PLCB2: variants seen among roughly 807,000 people sequenced by gnomAD.
The protein encoded by PLCB2 is phospholipase C beta 2, also known as 1-phosphatidylinositol 4,5-bisphosphate phosphodiesterase beta-2.
PLCB2 carries 115 observed loss-of-function variants against 141.7 expected under a neutral mutation model. The observed-to-expected ratio is 0.81, with a 90% confidence interval of 0.70 to 0.95. PLCB2 has a LOEUF of 0.95. Ranked by LOEUF, PLCB2 falls within the 40% of genes least tolerant of loss-of-function variation. The pLI is 0.00. For synonymous variants in PLCB2, 603 were observed against 595.6 expected (o/e 1.01, Z -0.18); for missense variants, 1,403 against 1,541.1 (o/e 0.91, Z 1.50).
intron 20 of PLCB2, 94 bp downstream of exon 20, chr15:40,293,466 G>T: frequency 8.1e-7 from 1 of 1,235,190 alleles, no homozygotes; most frequent in Non-Finnish European, 1.2e-6. Flanking sequence ...AGGAGGAGGA[G>T]GAAGGTCAAG....
At chr15:40,298,173 G>C in intron 11 of PLCB2, 50 bp downstream of exon 11, 2 of 1,519,102 alleles carry the variant, frequency 1.3e-6, no homozygotes, top group Non-Finnish European at 1.8e-6. Context: ...TTCTGGCCCA[G>C]AGCCCTTCCC....
chr15:40,293,667 G>T lies in PLCB2; in HGVS notation c.2119C>A (p.Leu707Met). Residue 707 changes from leucine to methionine, a missense_variant, in exon 20 of 32, where the codon CTG becomes ATG. This residue lies in a region of PLCB2 where 975 missense variants were observed against 1,141.1 expected (regional missense o/e 0.85). Coordinates refer to ENST00000260402, the MANE Select transcript of PLCB2 (RefSeq NM_004573.3). ...TTGGGGTCCCCAGGAAGGCCAAACAGCTCCACTTCTACATAGGTGCGCACG... is the reference window on the plus strand; with the variant it reads ...TTGGGGTCCCCAGGAAGGCCAAACATCTCCACTTCTACATAGGTGCGCACG... ...RSVRTYVEVE[L>M]FGLPGDPKRR... 6.2e-7 allele frequency: 1 copy of T among 1,614,146 alleles called. No homozygotes were observed. The highest frequency in any genetic ancestry group is 1.3e-5 in the African/African-American group (1 of 75,040).
chr15:40,301,747 C>A, intron 7 of PLCB2: 1 of 700,522 alleles, frequency 1.4e-6, no homozygotes, highest in Non-Finnish European at 2.6e-6. Flanking sequence ...ACAGACAAAC[C>A]TGCTTGGAGC....
Position 40,296,367 on chromosome 15 carries a change from G to A in PLCB2, c.1625C>T (p.Ala542Val). The A allele has an allele frequency of 6.2e-7, 1 of 1,613,806 alleles. No homozygotes were observed. The highest frequency in any genetic ancestry group is 8.5e-7 in the Non-Finnish European group (1 of 1,179,886). ...DEGTAGLEVT[A>V]YEEMSSLVNY... ...GACTAGGCTGGACATCTCCTCATAA[G>A]CCGTCACTTCCAGGCCCGCTGTGCC... The change falls in exon 16 of 32, where the codon GCT becomes GTT. Residue 542 changes from alanine to valine, a missense_variant. Ala to Val is a moderately conservative substitution (Grantham distance 64, BLOSUM62 0). This residue lies in a region of PLCB2 where 975 missense variants were observed against 1,141.1 expected (regional missense o/e 0.85). Coordinates refer to ENST00000260402, the MANE Select transcript of PLCB2 (RefSeq NM_004573.3).
intron 30 of PLCB2, 94 bp downstream of exon 30, chr15:40,289,927 AAGAG>A (rs58167971): frequency 0.048 from 26,009 of 540,578 alleles, 894 homozygotes; most frequent in East Asian, 0.23. Context: ...CCTACTTGTG[AAGAG>A]AGAGAGAGAG....
Position 40,288,924 on chromosome 15 carries a change from G to C in PLCB2, c.3355-6C>G, listed in dbSNP as rs905564305. 6.2e-7 allele frequency: 1 copy of C among 1,612,026 alleles called. No individual in the cohort carries two copies. The highest frequency in any genetic ancestry group is 1.7e-5 in the Admixed American group (1 of 60,012). On this transcript the variant is annotated splice_region_variant and splice_polypyrimidine_tract_variant and intron_variant, in intron 31 of 31. Transcript: ENST00000260402. ...GCCAGCGCCTCCTTCTGGAACTGTGGAGACAGCAAGGACCCCTGCCTGGCT... is the reference window on the plus strand; with the variant it reads ...GCCAGCGCCTCCTTCTGGAACTGTGCAGACAGCAAGGACCCCTGCCTGGCT...
rs1378638661 is a variant in PLCB2 at position 40,303,360 on chromosome 15, G to A, written c.163-4C>T. On this transcript the variant is annotated splice_region_variant and splice_polypyrimidine_tract_variant and intron_variant, in intron 2 of 31. Coordinates refer to ENST00000260402, the MANE Select transcript of PLCB2 (RefSeq NM_004573.3). ...TGATATCCAGAAACTCCATCTCCTGGGGGCAGGGTGCGGATCCCGGTGGGA... is the reference window on the plus strand; with the variant it reads ...TGATATCCAGAAACTCCATCTCCTGAGGGCAGGGTGCGGATCCCGGTGGGA... 1.9e-6 allele frequency: 3 copies of A among 1,612,014 alleles called. No homozygotes were observed. The highest frequency in any genetic ancestry group is 1.3e-5 in the African/African-American group (1 of 74,956).
intron 24 of PLCB2, 35 bp from the exon 25 acceptor site, chr15:40,291,685 T>TG (rs763772699): frequency 1.6e-5 from 25 of 1,610,404 alleles, no homozygotes; most frequent in Non-Finnish European, 1.7e-5. Context: ...TCAGGTGCTC[T>TG]GGGGGGCCCC....
In PLCB2 at chr15:40,290,045, C is replaced by A; in HGVS notation, c.3247G>T (p.Val1083Leu). The change falls in exon 30 of 32, where the codon GTA (valine) becomes TTA (leucine). Residue 1083 changes from valine to leucine, a missense_variant. Around this residue, in one of 4 missense-constraint regions of PLCB2, gnomAD observed 132 missense variants for 132.4 expected, o/e 1.00. Transcript: ENST00000260402. Reference protein sequence around the residue: ...REINNSHIQEVVQVIKQMTEN... With the variant: ...REINNSHIQELVQVIKQMTEN... ...CACACCTGCTTGATCACCTGCACTACTTCCTGGATGTGGGAGTTGTTAATC... is the reference window on the plus strand; with the variant it reads ...CACACCTGCTTGATCACCTGCACTAATTCCTGGATGTGGGAGTTGTTAATC... The A allele has an allele frequency of 6.2e-7, 1 of 1,607,834 alleles. No homozygotes were observed. The highest frequency in any genetic ancestry group is 8.5e-7 in the Non-Finnish European group (1 of 1,175,414).
At chr15:40,301,174 C>T (rs2040486113) in intron 7 of PLCB2, 1 of 193,236 alleles carries the variant, frequency 5.2e-6, no homozygotes, top group South Asian at 9.0e-5. Context: ...AATGCTCCTC[C>T]TGGGATTCAT....
downstream of PLCB2, chr15:40,284,338 G>A (rs1385829011): frequency 6.0e-6 from 2 of 330,800 alleles, no homozygotes; most frequent in Admixed American, 8.3e-5. Context: ...ACAGAATCTC[G>A]GTTCTGGGTG....
At chr15:40,307,549 C>G in intron 1 of PLCB2, 40 bp downstream of exon 1, 1 of 1,341,780 alleles carries the variant, frequency 7.5e-7, no homozygotes, top group South Asian at 1.3e-5. Context: ...CGGCCCCCAC[C>G]ACCTGGTGCT....
At position 40,288,321 on chromosome 15, in the gene PLCB2, G is replaced by C. The variant is rs2039663182; in HGVS notation, c.*394C>G. On this transcript the variant is annotated 3_prime_UTR_variant, in exon 32 of 32. Coordinates refer to ENST00000260402, the MANE Select transcript of PLCB2 (RefSeq NM_004573.3). ...GGGCAGGAGGGTTCGGGGCTAGAGTGGAGGTGAGTGGGTCCAACCCTCCAG... is the reference window on the plus strand; with the variant it reads ...GGGCAGGAGGGTTCGGGGCTAGAGTCGAGGTGAGTGGGTCCAACCCTCCAG... 1 of 1,000,428 alleles carries C rather than the reference G, an allele frequency of 1.0e-6. No individual in the cohort carries two copies. Among genetic ancestry groups the C allele is most frequent in the African/African-American group, 1.7e-5 (1 of 57,792 alleles). 62.0% of individuals were successfully genotyped at this position (1,000,428 alleles called of 1,614,324 possible).
chr15:40,290,470 G>A lies in PLCB2; in HGVS notation c.3209+107C>T, dbSNP rs1036182044. ...GGGGGATCCGCTTTTTGGAGAGCCA[G>A]GGGACAGATGCATCTTTGGGAAGTG... On this transcript the variant is annotated intron_variant, in intron 29 of 31. Transcript: ENST00000260402. 4 of 841,938 alleles carry A rather than the reference G, an allele frequency of 4.8e-6. No homozygotes were observed. In the African/African-American group the frequency reaches 5.1e-5, roughly 11 times the overall value. The allele number at this position is 841,938 out of a possible 1,614,324, so 52.2% of individuals were successfully genotyped here. A position where few individuals can be genotyped will look rare whatever the true frequency, so the allele number is the denominator to read the frequency against.
chr15:40,292,921 C>G lies in PLCB2; in HGVS notation c.2326+5G>C. 4 of 1,584,990 alleles carry G rather than the reference C, an allele frequency of 2.5e-6. No individual in the cohort carries two copies. The highest frequency in any genetic ancestry group is 1.1e-5 in the South Asian group (1 of 88,554). ...CTTGGAACAGTGAAGGACCCCACTC[C>G]TTACCAGAATTTAGGGCATTGATGG... On this transcript the variant is annotated splice_donor_5th_base_variant and intron_variant, in intron 21 of 31. Coordinates refer to ENST00000260402, the MANE Select transcript of PLCB2 (RefSeq NM_004573.3).
rs1324452694 is a variant in PLCB2 at position 40,298,021 on chromosome 15, G to T, written c.1156-62C>A. The T allele has an allele frequency of 4.5e-6, 6 of 1,323,962 alleles. No individual in the cohort carries two copies. In the Admixed American group the frequency reaches 5.3e-5, roughly 12 times the overall value. The allele number at this position is 1,323,962 out of a possible 1,614,324, so 82.0% of individuals were successfully genotyped here. ...CGTTCCGACTGCCTGTCTCGTGATA[G>T]CACTTTTCCCCCCTGCCTAGTTTCA... On this transcript the variant is annotated intron_variant, in intron 11 of 31. Coordinates refer to ENST00000260402, the MANE Select transcript of PLCB2 (RefSeq NM_004573.3).
Position 40,293,015 on chromosome 15 carries a change from G to A in PLCB2, c.2237C>T (p.Pro746Leu). ...EPFVFEKILM[P>L]ELASLRVAVM... ...AGCCACTCTGAGGGAGGCCAGCTCA[G>A]GCATCAAGATCTGGGGAGAGTTGGG... Residue 746 changes from proline (P) to leucine (L), a missense_variant, in exon 21 of 32, where the codon CCT (proline) becomes CTT (leucine). This residue lies in a region of PLCB2 where 975 missense variants were observed against 1,141.1 expected (regional missense o/e 0.85). Transcript: ENST00000260402. 1 of 1,598,776 alleles carries A rather than the reference G, an allele frequency of 6.3e-7. No individual in the cohort carries two copies. Among genetic ancestry groups the A allele is most frequent in the Non-Finnish European group, 8.5e-7 (1 of 1,171,678 alleles).
rs757989413 is a variant in PLCB2, at chr15:40,302,393, C to G, written c.373-44G>C. 3.1e-5 allele frequency: 50 copies of G among 1,611,082 alleles called. 1 individual carries two copies. In the East Asian group the frequency reaches 1.1e-3, roughly 36 times the overall value. Reference sequence around the variant, plus strand: ...CAGCGGTCAGGCTCCTGAGCACCCCCGCCCAGGCCTGTGTCTCTCAGGAAG... The same window carrying G: ...CAGCGGTCAGGCTCCTGAGCACCCCGGCCCAGGCCTGTGTCTCTCAGGAAG... On this transcript the variant is annotated intron_variant, in intron 4 of 31. Coordinates refer to ENST00000260402, the MANE Select transcript of PLCB2 (RefSeq NM_004573.3).
At chr15:40,285,649 GAAGA>G, downstream of PLCB2, 1 of 985,396 alleles carries the variant, frequency 1.0e-6, no homozygotes, top group Non-Finnish European at 1.2e-6. Flanking sequence ...TTACTCAGCA[GAAGA>G]AAGGCTTTTC....
Sources: allele counts gnomAD v4.1 joint callset, GRCh38; gene constraint gnomAD v4.1.1; regional missense constraint gnomAD v4.1.1; transcripts MANE v1.5; gene names NCBI Gene and HGNC (gene_info 2026-07-23, HGNC 2026-07-21).